ITIH2: variants seen among roughly 807,000 people sequenced by gnomAD.
ITIH2 encodes inter-alpha-trypsin inhibitor heavy chain 2, also known as inter-alpha-trypsin inhibitor heavy chain H2.
Under a neutral mutation model 104.4 loss-of-function variants are expected in ITIH2, and 103 were observed. The ratio of observed to expected loss-of-function variants is 0.99; its 90% CI spans 0.84 to 1.16. The LOEUF (loss-of-function observed/expected upper bound fraction) is 1.16. Among genes scored for constraint, ITIH2 ranks in the 50% most tolerant of loss-of-function variants. The pLI is 0.00. For synonymous variants in ITIH2, 436 were observed against 435.4 expected, an observed-to-expected ratio of 1.00 and a Z score of -0.02; for missense variants, 1,108 against 1,162.4, an observed-to-expected ratio of 0.95 and a Z score of 0.68.
At chr10:7,741,459 T>C (rs1835123751) in intron 16 of ITIH2, among the ~76,000 whole-genome samples, 1 of 152,206 alleles carries the variant, frequency 6.6e-6, no homozygotes, top group Admixed American at 6.5e-5. Context: ...ATTACAGGCG[T>C]GAGCCACCGC....
rs11255311 is a variant in ITIH2, at chr10:7,719,780, A to G, written c.631-1076A>G. On this transcript the variant is annotated intron_variant, in intron 6 of 20. Transcript: ENST00000358415. ...TGTCTCAAAAAAAAAAAAAAAAAAA[A>G]AAAGAAAGAAAGAAAAGAAAAAATA... Among the ~76,000 whole-genome samples, 871 of 140,920 alleles carry G rather than the reference A, an allele frequency of 6.2e-3. 11 individuals are homozygous for G. The highest frequency in any genetic ancestry group is 0.022 in the African/African-American group (808 of 36,230). The allele number at this position is 140,920 out of a possible 152,430, so 92.4% of individuals were successfully genotyped here.
chr10:7,704,656 C>T (rs886495088), intron 1 of ITIH2, among the ~76,000 whole-genome samples: 2 of 152,146 alleles, frequency 1.3e-5, no homozygotes, highest in African/African-American at 2.4e-5. Context: ...ATTTGGACAC[C>T]TCTGAGACGT....
At chr10:7,732,123 T>A (rs1835009369) in intron 13 of ITIH2, 127 bp downstream of exon 13, 1 of 885,000 alleles carries the variant, frequency 1.1e-6, no homozygotes, top group Admixed American at 2.4e-5. Context: ...GGAGAAGGCA[T>A]GAGAATATCT....
intron 3 of ITIH2, among the ~76,000 whole-genome samples, chr10:7,707,626 C>T (rs1834759780): frequency 2.6e-5 from 4 of 152,130 alleles, no homozygotes. Flanking sequence ...AGTGCAATGG[C>T]ATGATCTCAG....
intron 4 of ITIH2, among the ~76,000 whole-genome samples, chr10:7,712,704 T>C (rs373900545): frequency 6.6e-6 from 1 of 152,206 alleles, no homozygotes; most frequent in Non-Finnish European, 1.5e-5. Context: ...ATAAAGGAAG[T>C]CCTGTCCATA....
intron 19 of ITIH2, 25 bp from the exon 20 acceptor site, chr10:7,746,568 T>G: frequency 6.9e-7 from 1 of 1,444,740 alleles, no homozygotes; most frequent in Non-Finnish European, 9.7e-7. Context: ...TACATGTCAA[T>G]CAATGTCTGA....
chr10:7,748,036 C>G (rs2130969819), intron 20 of ITIH2, among the ~76,000 whole-genome samples: 1 of 151,528 alleles, frequency 6.6e-6, no homozygotes, highest in South Asian at 2.1e-4. Flanking sequence ...GAAACCCCCC[C>G]CATCTCTACT....
chr10:7,721,038 T>A, intron 7 of ITIH2, 75 bp downstream of exon 7: 1 of 950,878 alleles, frequency 1.1e-6, no homozygotes, highest in Non-Finnish European at 1.7e-6. Flanking sequence ...TTCTGTGCTC[T>A]GGAGAAGAGA....
intron 17 of ITIH2, 148 bp downstream of exon 17, chr10:7,743,407 A>C (rs1287005406): frequency 1.9e-6 from 1 of 538,010 alleles, no homozygotes; most frequent in Admixed American, 3.9e-5. Context: ...ATATATTCTT[A>C]ACTATTTTGA....
At chr10:7,738,383 A>C (rs970786747) in intron 15 of ITIH2, among the ~76,000 whole-genome samples, 1 of 147,804 alleles carries the variant, frequency 6.8e-6, no homozygotes, top group African/African-American at 2.5e-5. Context: ...GGCCCTATAA[A>C]GCGGTTCCTC....
At position 7,744,973 on chromosome 10, in the gene ITIH2, C is replaced by T. The variant is rs754433457; in HGVS notation, c.2581+10C>T. 6.2e-7 allele frequency: 1 copy of T among 1,611,344 alleles called. No individual in the cohort carries two copies. Among genetic ancestry groups the T allele is most frequent in the Non-Finnish European group, 8.5e-7 (1 of 1,178,000 alleles). ...GCCCACGGACTAATAGGTAAAGTGT[C>T]TATTGACCATCTGACAAGGGTGGGG... On this transcript the variant is annotated intron_variant, in intron 19 of 20. Transcript: ENST00000358415.
intron 6 of ITIH2, among the ~76,000 whole-genome samples, chr10:7,719,018 G>A (rs929967498): frequency 1.3e-5 from 2 of 152,140 alleles, no homozygotes; most frequent in African/African-American, 4.8e-5. Context: ...TAGTGTAAGA[G>A]GCAGAGCTAG....
chr10:7,720,830 T>G (rs1834895143), intron 6 of ITIH2, 26 bp from the exon 7 acceptor site: 3 of 1,353,778 alleles, frequency 2.2e-6, no homozygotes, highest in Non-Finnish European at 3.2e-6. Flanking sequence ...TTTAATGCTT[T>G]GGGTAATTTT....
At position 7,738,650 on chromosome 10, in the gene ITIH2, C is replaced by T. The variant is rs906675486; in HGVS notation, c.1987C>T (p.Pro663Ser). Residue 663 changes from proline (P) to serine (S), a missense_variant, in exon 16 of 21, where the codon CCA becomes TCA. By Grantham distance (74) the Pro-to-Ser change is moderately conservative. Transcript: ENST00000358415. ...GALYYGSKVV[P>S]DSTPSWANPS... Reference sequence around the variant, plus strand: ...CCTGTATTACGGCAGCAAAGTGGTTCCAGATTCCACCCCGTCTTGGGCCAA... The same window carrying T: ...CCTGTATTACGGCAGCAAAGTGGTTTCAGATTCCACCCCGTCTTGGGCCAA... 3.1e-6 allele frequency: 5 copies of T among 1,613,824 alleles called. No homozygotes were observed. The highest frequency in any genetic ancestry group is 1.1e-5 in the South Asian group (1 of 91,084).
chr10:7,723,981 T>G (rs1834929893), intron 9 of ITIH2, among the ~76,000 whole-genome samples: 1 of 152,240 alleles, frequency 6.6e-6, no homozygotes, highest in Non-Finnish European at 1.5e-5. Flanking sequence ...ATCTTGTCAT[T>G]GTCCACATAT....
intron 12 of ITIH2, among the ~76,000 whole-genome samples, 154 bp from the exon 13 acceptor site, chr10:7,731,657 G>T (rs183270471): frequency 6.6e-6 from 1 of 152,180 alleles, no homozygotes; most frequent in Admixed American, 6.5e-5. Context: ...CCCAGGAGCC[G>T]GAGATTGCAG....
chr10:7,738,902 T>C (rs753277670), intron 16 of ITIH2, 144 bp downstream of exon 16: 4 of 676,764 alleles, frequency 5.9e-6, no homozygotes, highest in Non-Finnish European at 9.5e-6. Context: ...CACCTGTTTT[T>C]CTATAGAAAT....
intron 15 of ITIH2, among the ~76,000 whole-genome samples, chr10:7,737,522 A>G (rs890186150): frequency 1.5e-5 from 2 of 134,872 alleles, no homozygotes; most frequent in African/African-American, 5.6e-5. Context: ...TATATTATAT[A>G]CTATGTATTC....
intron 9 of ITIH2, among the ~76,000 whole-genome samples, chr10:7,726,289 T>G (rs1336194959): frequency 2.6e-5 from 4 of 152,260 alleles, no homozygotes; most frequent in Non-Finnish European, 2.9e-5. Context: ...TTGATGGAAA[T>G]GTACCAATAG....
Sources: gnomAD v4.1 joint callset for allele counts (sites outside exome capture counted in the v4.1 genomes callset) on GRCh38, gnomAD v4.1.1 for gene constraint, MANE v1.5 for transcripts, NCBI Gene and HGNC (gene_info 2026-07-23, HGNC 2026-07-21) for gene names.